Variants in ZFAT observed in about 807,000 individuals in gnomAD.
The protein encoded by ZFAT is zinc finger and AT-hook domain containing, also known as zinc finger protein ZFAT.
Under a neutral mutation model 117.7 loss-of-function variants are expected in ZFAT, and 64 were observed. The observed-to-expected ratio is 0.54, with a 90% CI of 0.44 to 0.67. ZFAT has a LOEUF of 0.67. Ranked by LOEUF, ZFAT falls within the 30% of genes least tolerant of loss-of-function variation. ZFAT has a pLI of 0.00. For missense variants in ZFAT, 1,433 were observed against 1,584.5 expected (o/e 0.90, Z 1.62); for synonymous variants, 679 against 615.0 (o/e 1.10, Z -1.54).
chr8:134,800,544 C>A, the ZFAT span: 1 of 514,532 alleles, frequency 1.9e-6, no homozygotes, highest in Non-Finnish European at 4.0e-6. Context: ...AGTAAACATC[C>A]ACCTCCCAGC....
rs767538738 is a variant in ZFAT, at chr8:134,556,031, AGAAGGAAGGAAG to A, written c.2976+9290_2976+9301del. 4.4e-3 allele frequency among the ~76,000 whole-genome samples: 268 copies of A among 60,372 alleles called. 1 individual carries two copies. The highest frequency in any genetic ancestry group is 0.018 in the African/African-American group (251 of 14,008). The allele number at this position is 60,372 out of a possible 152,430, so 39.6% of individuals were successfully genotyped here. ...AGGTGGGAGGGAAGGAGGGAGGGAG[AGAAGGAAGGAAG>A]GAAGGAAGGAAGGAAGGAAGGAAGG... On this transcript the variant is annotated intron_variant, in intron 11 of 15. Coordinates refer to ENST00000377838, the MANE Select transcript of ZFAT (RefSeq NM_020863.4).
At chr8:134,510,081 G>T (rs1264553634) in intron 14 of ZFAT, 1 of 465,708 alleles carries the variant, frequency 2.1e-6, no homozygotes, top group African/African-American at 2.0e-5. Flanking sequence ...GTCCTAACAT[G>T]CGGACATGTG....
At chr8:134,570,768 C>T (rs1170380253) in intron 10 of ZFAT, among the ~76,000 whole-genome samples, 2 of 152,192 alleles carry the variant, frequency 1.3e-5, no homozygotes, top group African/African-American at 4.8e-5. Context: ...CACCATCTCC[C>T]CACCCAAAGT....
chr8:134,550,310 G>GAAAAAAAAAAAAAAAAAA lies in ZFAT; in HGVS notation c.2976+15005_2976+15022dup, dbSNP rs10680896. The stretch of plus-strand genomic sequence containing the variant: ...ATTCCATCCAGGGTTGGTCACAACG[G>GAAAAAAAAAAAAAAAAAA]AAAAAAAAAAAAAAAAAAAAAACAG... On this transcript the variant is annotated intron_variant, in intron 11 of 15. Coordinates refer to ENST00000377838, the MANE Select transcript of ZFAT (RefSeq NM_020863.4). Among the ~76,000 whole-genome samples the GAAAAAAAAAAAAAAAAAA allele has an allele frequency of 1.8e-4, 13 of 72,534 alleles. 3 individuals carry two copies. Among genetic ancestry groups the GAAAAAAAAAAAAAAAAAA allele is most frequent in the Non-Finnish European group, 3.1e-4 (12 of 38,902 alleles). The allele number at this position is 72,534 out of a possible 152,430, so 47.6% of individuals were successfully genotyped here.
chr8:134,787,069 G>C, the ZFAT span, among the ~76,000 whole-genome samples: 1 of 151,966 alleles, frequency 6.6e-6, no homozygotes, highest in Non-Finnish European at 1.5e-5. Flanking sequence ...GGCTAGTCTT[G>C]AACTCCTGGT....
At chr8:134,587,943 A>G (rs1226343644) in intron 9 of ZFAT, among the ~76,000 whole-genome samples, 1 of 152,202 alleles carries the variant, frequency 6.6e-6, no homozygotes, top group East Asian at 1.9e-4. Flanking sequence ...GCCATGAATA[A>G]GTCTCCGGTG....
chr8:134,608,111 T>C (rs1224251529), intron 5 of ZFAT, among the ~76,000 whole-genome samples: 1 of 152,206 alleles, frequency 6.6e-6, no homozygotes, highest in East Asian at 1.9e-4. Flanking sequence ...AACTGTGTAC[T>C]AAAAATGAAA....
At chr8:134,524,748 A>C (rs1820905655) in intron 12 of ZFAT, among the ~76,000 whole-genome samples, 1 of 152,218 alleles carries the variant, frequency 6.6e-6, no homozygotes, top group African/African-American at 2.4e-5. Context: ...TCCTGCACTC[A>C]GTCCTCTCCT....
At chr8:134,551,927 G>A (rs1823199078) in intron 11 of ZFAT, among the ~76,000 whole-genome samples, 1 of 152,162 alleles carries the variant, frequency 6.6e-6, no homozygotes, top group Admixed American at 6.5e-5. Context: ...CCTTTGACTT[G>A]TGGGTATCAG....
chr8:134,742,031 C>T, the ZFAT span, among the ~76,000 whole-genome samples: 1 of 152,180 alleles, frequency 6.6e-6, no homozygotes, highest in Non-Finnish European at 1.5e-5. Context: ...ACCATGGGAA[C>T]AGCCCTAACC....
intron 3 of ZFAT, among the ~76,000 whole-genome samples, chr8:134,631,872 A>G (rs777907021): frequency 5.3e-5 from 8 of 152,218 alleles, no homozygotes; most frequent in Non-Finnish European, 1.2e-4. Flanking sequence ...TTATCTTTGT[A>G]GCTTCCTGTG....
At chr8:134,729,800 C>A in the ZFAT span, among the ~76,000 whole-genome samples, 4 of 152,148 alleles carry the variant, frequency 2.6e-5, no homozygotes, top group East Asian at 7.7e-4. Context: ...TATTCTAAAA[C>A]TTTGTATGTC....
chr8:134,749,406 G>A, the ZFAT span, among the ~76,000 whole-genome samples: 7 of 152,182 alleles, frequency 4.6e-5, no homozygotes, highest in Non-Finnish European at 7.3e-5. Context: ...CAAGTTTGGT[G>A]TATGGTGAGG....
chr8:134,770,505 T>C, the ZFAT span, among the ~76,000 whole-genome samples: 5 of 152,226 alleles, frequency 3.3e-5, no homozygotes, highest in Admixed American at 3.3e-4. Context: ...CTCTTAATCC[T>C]GTCAGCCAAG....
At chr8:134,669,518 G>C (rs942082058) in intron 1 of ZFAT, among the ~76,000 whole-genome samples, 1 of 152,128 alleles carries the variant, frequency 6.6e-6, no homozygotes, top group Non-Finnish European at 1.5e-5. Flanking sequence ...CATAAGTGAA[G>C]GAGAAATAAA....
intron 11 of ZFAT, among the ~76,000 whole-genome samples, chr8:134,541,622 A>G (rs1375299958): frequency 6.6e-6 from 1 of 152,248 alleles, no homozygotes; most frequent in Non-Finnish European, 1.5e-5. Context: ...GGAGGAAAGG[A>G]AGAAAGAAAA....
intron 1 of ZFAT, among the ~76,000 whole-genome samples, chr8:134,671,862 C>T (rs1414645063): frequency 1.3e-5 from 2 of 152,198 alleles, no homozygotes; most frequent in African/African-American, 4.8e-5. Flanking sequence ...ACCCCATTGT[C>T]TCAGCCCAAA....
At chr8:134,570,078 C>T (rs539169596) in intron 10 of ZFAT, among the ~76,000 whole-genome samples, 1 of 152,252 alleles carries the variant, frequency 6.6e-6, no homozygotes, top group South Asian at 2.1e-4. Context: ...CTGCCTTCAC[C>T]TCTCTCCACT....
In ZFAT at chr8:134,709,844, C is replaced by CACTGCGGTA. The variant is rs1398118686; in HGVS notation, c.19+2992_19+3000dup. Among the ~76,000 whole-genome samples, 50 of 152,268 alleles carry CACTGCGGTA rather than the reference C, an allele frequency of 3.3e-4. 1 individual carries two copies. Among genetic ancestry groups the CACTGCGGTA allele is most frequent in the African/African-American group, 1.2e-3 (50 of 41,568 alleles). On this transcript the variant is annotated intron_variant, in intron 1 of 15. Coordinates refer to ENST00000377838, the MANE Select transcript of ZFAT (RefSeq NM_020863.4). Reference sequence around the variant, plus strand: ...AATGAGAAGCCCACTGAGAAGGGAGCACTGCGGTAAGACGGCTCCAATTCA... The same window carrying CACTGCGGTA: ...AATGAGAAGCCCACTGAGAAGGGAGCACTGCGGTAACTGCGGTAAGACGGCTCCAATTCA...
Sources: allele counts gnomAD v4.1 joint callset (sites outside exome capture counted in the v4.1 genomes callset), GRCh38; gene constraint gnomAD v4.1.1; transcripts MANE v1.5; gene names NCBI Gene and HGNC (gene_info 2026-07-23, HGNC 2026-07-21).